CACNA1D: variants seen among roughly 807,000 people sequenced by gnomAD.
The protein encoded by CACNA1D is calcium voltage-gated channel subunit alpha1 D, also known as voltage-dependent L-type calcium channel subunit alpha-1D.
In CACNA1D, 55 loss-of-function variants were observed where a neutral mutation model predicts 257.1. That is an observed-to-expected ratio of 0.21 (90% CI 0.17 to 0.27). The LOEUF (loss-of-function observed/expected upper bound fraction) is 0.27, where lower values mean the gene tolerates loss of function less well. Ranked by LOEUF, CACNA1D falls within the 10% of genes least tolerant of loss-of-function variation. The pLI, the probability that CACNA1D is intolerant of heterozygous loss-of-function variation, is 1.00. For missense variants in CACNA1D, 1,876 were observed against 2,784.0 expected (o/e 0.67, Z 7.34); for synonymous variants, 980 against 1,014.9 (o/e 0.97, Z 0.65).
intron 3 of CACNA1D, among the ~76,000 whole-genome samples, chr3:53,566,417 G>A (rs767220855): frequency 2.6e-5 from 4 of 152,018 alleles, no homozygotes; most frequent in African/African-American, 4.8e-5. Context: ...GTCTCTGCTC[G>A]AATGTCATCT....
At chr3:53,725,813 A>ATATC (rs1297378387) in intron 14 of CACNA1D, among the ~76,000 whole-genome samples, 1 of 152,228 alleles carries the variant, frequency 6.6e-6, no homozygotes, top group Non-Finnish European at 1.5e-5. Context: ...AATTTTAAAA[A>ATATC]TATCTAGTTC....
chr3:53,615,047 C>T (rs146737876), intron 3 of CACNA1D, among the ~76,000 whole-genome samples: 31 of 152,310 alleles, frequency 2.0e-4, no homozygotes, highest in Middle Eastern at 3.4e-3. Context: ...GCAAAGATAA[C>T]AGGCAAATAG....
chr3:53,722,184 T>C, intron 11 of CACNA1D, 130 bp from the exon 12 acceptor site: 1 of 862,832 alleles, frequency 1.2e-6, no homozygotes, highest in East Asian at 2.6e-5. Context: ...TTTGTGCTCA[T>C]CTTTCTTTCC....
rs371740779 is a variant in CACNA1D at position 53,652,273 on chromosome 3, C to T, written c.623+1355C>T. Among the ~76,000 whole-genome samples the T allele has an allele frequency of 3.2e-4, 48 of 152,238 alleles. No homozygotes were observed. The South Asian group carries it at 8.9e-3, about 28-fold the overall frequency. Reference sequence around the variant, plus strand: ...TCTTGCGTCACCGTGCTATGATCACCTCATATTTCTGCCTGGAGACATTTT... The same window carrying T: ...TCTTGCGTCACCGTGCTATGATCACTTCATATTTCTGCCTGGAGACATTTT... On this transcript the variant is annotated intron_variant, in intron 4 of 47. Transcript: ENST00000350061.
At chr3:53,688,045 A>G (rs1179869837) in intron 8 of CACNA1D, among the ~76,000 whole-genome samples, 1 of 152,274 alleles carries the variant, frequency 6.6e-6, no homozygotes, top group Admixed American at 6.5e-5. Flanking sequence ...AGTTAAACAT[A>G]TACTCACCAT....
At chr3:53,501,056 G>A (rs796383122) in intron 2 of CACNA1D, among the ~76,000 whole-genome samples, 9 of 152,332 alleles carry the variant, frequency 5.9e-5, no homozygotes, top group African/African-American at 2.2e-4. Context: ...CACATCTGAG[G>A]TATTGGAATA....
chr3:53,633,493 G>T (rs2093846155), intron 3 of CACNA1D, among the ~76,000 whole-genome samples: 2 of 152,096 alleles, frequency 1.3e-5, no homozygotes, highest in African/African-American at 4.8e-5. Flanking sequence ...AGAGCAAAGT[G>T]CTTGCCCAAG....
chr3:53,740,519 C>G (rs1024631541), intron 21 of CACNA1D, 180 bp downstream of exon 21: 1 of 619,146 alleles, frequency 1.6e-6, no homozygotes, highest in Non-Finnish European at 3.0e-6. Flanking sequence ...GCTGCTCCTG[C>G]GTGTGACACA....
chr3:53,673,116 G>A lies in CACNA1D; in HGVS notation c.1210G>A (p.Val404Ile). The A allele has an allele frequency of 6.5e-7, 1 of 1,548,904 alleles. No homozygotes were observed. Among genetic ancestry groups the A allele is most frequent in the Non-Finnish European group, 8.7e-7 (1 of 1,144,198 alleles). Residue 404 changes from valine to isoleucine, a missense_variant, in exon 8 of 48, where the codon GTA becomes ATA. This residue lies in a region of CACNA1D where 188 missense variants were observed against 390.4 expected (regional missense o/e 0.48). Transcript: ENST00000350061. The surrounding 1 kb of genome is among the most constrained non-coding windows in gnomAD (Gnocchi z 4.1). ...SFFVLNLVLG[V>I]LSGEFSKERE... The stretch of plus-strand genomic sequence containing the variant: ...TTTCGTACTAAATCTTGTACTTGGT[G>A]TATTGAGCGGGTAAGCTACACCTCT...
At chr3:53,532,333 A>G (rs115633166) in intron 3 of CACNA1D, among the ~76,000 whole-genome samples, 1,589 of 152,336 alleles carry the variant, frequency 0.01, 14 homozygotes, top group Non-Finnish European at 0.018. Flanking sequence ...GACTTTAACC[A>G]CATGATTATT....
At position 53,742,153 on chromosome 3, in the gene CACNA1D, A is replaced by G. The variant is rs562182019; in HGVS notation, c.2812-858A>G. Among the ~76,000 whole-genome samples, 19 of 152,308 alleles carry G rather than the reference A, an allele frequency of 1.2e-4. No individual in the cohort carries two copies. The South Asian group carries it at 3.9e-3, about 32-fold the overall frequency. ...TTTGCTTAAGCCCTATGAAATTGCC[A>G]TTTTTGTAGGTCAAAAAGGGTTGAA... is the stretch of plus-strand genomic sequence containing the variant. On this transcript the variant is annotated intron_variant, in intron 21 of 47. Transcript: ENST00000350061.
At chr3:53,519,535 T>C (rs1327370671) in intron 3 of CACNA1D, among the ~76,000 whole-genome samples, 1 of 152,184 alleles carries the variant, frequency 6.6e-6, no homozygotes, top group East Asian at 1.9e-4. Flanking sequence ...CACTGGTCAC[T>C]GGCACCTGGC....
At chr3:53,565,770 A>G (rs1410746336) in intron 3 of CACNA1D, among the ~76,000 whole-genome samples, 1 of 152,246 alleles carries the variant, frequency 6.6e-6, no homozygotes, top group Middle Eastern at 3.2e-3. Context: ...AGTAAGAGGT[A>G]ACTGTACCCC....
intron 12 of CACNA1D, 63 bp downstream of exon 12, chr3:53,722,537 C>T: frequency 6.6e-7 from 1 of 1,512,316 alleles, no homozygotes; most frequent in Non-Finnish European, 9.2e-7. Context: ...GTCCAACTGC[C>T]ATTTGGTCTT....
intron 8 of CACNA1D, among the ~76,000 whole-genome samples, chr3:53,695,053 T>C (rs1247198205): frequency 1.3e-5 from 2 of 152,226 alleles, no homozygotes; most frequent in Non-Finnish European, 2.9e-5. Context: ...TCAGCACTTA[T>C]GCTTCTTGGG....
chr3:53,806,170 C>T (rs2095564526), intron 45 of CACNA1D, among the ~76,000 whole-genome samples: 1 of 104,124 alleles, frequency 9.6e-6, no homozygotes. Context: ...TTCCCTCCCC[C>T]TCTCCTCCCT....
chr3:53,637,693 A>C (rs1299562052), intron 3 of CACNA1D, among the ~76,000 whole-genome samples: 1 of 152,094 alleles, frequency 6.6e-6, no homozygotes, highest in Admixed American at 6.5e-5. Context: ...GTGACCTTGG[A>C]CTGGCAAGAG....
At position 53,665,589 on chromosome 3, in the gene CACNA1D, T is replaced by A. The variant is rs1302410554; in HGVS notation, c.767-71T>A. On this transcript the variant is annotated intron_variant, in intron 5 of 47. Coordinates refer to ENST00000350061, the MANE Select transcript of CACNA1D (RefSeq NM_001128840.3). Reference sequence around the variant, plus strand: ...GTGTTCTAAGTAAAGGAGGCATGGTTAGGAATTATATATATGATTCATTGG... The same window carrying A: ...GTGTTCTAAGTAAAGGAGGCATGGTAAGGAATTATATATATGATTCATTGG... 1.4e-5 allele frequency: 17 copies of A among 1,173,182 alleles called. 1 individual carries two copies. In the Admixed American group the frequency reaches 2.7e-4, roughly 19 times the overall value. 72.7% of individuals were successfully genotyped at this position (1,173,182 alleles called of 1,614,324 possible).
chr3:53,686,292 GA>G (rs959485420), intron 8 of CACNA1D, among the ~76,000 whole-genome samples: 30 of 152,056 alleles, frequency 2.0e-4, no homozygotes, highest in African/African-American at 6.7e-4. Context: ...AGCCGATTTA[GA>G]AAAAAATTAT....
Sources: allele counts gnomAD v4.1 joint callset (sites outside exome capture counted in the v4.1 genomes callset), GRCh38; gene constraint gnomAD v4.1.1; regional missense constraint gnomAD v4.1.1; non-coding constraint Gnocchi (gnomAD v3.1); transcripts MANE v1.5; gene names NCBI Gene and HGNC (gene_info 2026-07-23, HGNC 2026-07-21).